Variants in CTIF observed in about 807,000 individuals in gnomAD.
CTIF encodes CBP80/20-dependent translation initiation factor.
A neutral mutation model predicts 66.0 loss-of-function variants in CTIF; 21 were observed. The ratio of observed to expected loss-of-function variants is 0.32; its 90% CI spans 0.23 to 0.46. The LOEUF is 0.46. Ranked by LOEUF, CTIF falls within the 20% of genes least tolerant of loss-of-function variation. The pLI is 1.00. For synonymous variants in CTIF, 345 were observed against 326.4 expected (o/e 1.06, Z -0.62); for missense variants, 739 against 812.7 (o/e 0.91, Z 1.10).
At chr18:48,807,256 C>G (rs1599083247) in intron 9 of CTIF, among the ~76,000 whole-genome samples, 1 of 152,186 alleles carries the variant, frequency 6.6e-6, no homozygotes, top group African/African-American at 2.4e-5. Flanking sequence ...AGAAGAATTC[C>G]ACTGTCCTAA....
At chr18:48,788,634 C>T (rs2067728845) in intron 9 of CTIF, among the ~76,000 whole-genome samples, 1 of 152,156 alleles carries the variant, frequency 6.6e-6, no homozygotes, top group African/African-American at 2.4e-5. Flanking sequence ...GCAGTGGGAA[C>T]AGCCAGAGGC....
chr18:48,672,219 C>T (rs2091547360), intron 6 of CTIF, among the ~76,000 whole-genome samples: 1 of 151,598 alleles, frequency 6.6e-6, no homozygotes, highest in South Asian at 2.1e-4. Flanking sequence ...AATGGGATGA[C>T]TTATCTGAGT....
intron 3 of CTIF, among the ~76,000 whole-genome samples, chr18:48,651,876 T>C (rs895501552): frequency 2.0e-5 from 3 of 152,044 alleles, no homozygotes; most frequent in African/African-American, 7.2e-5. Context: ...ACTGGGTAAA[T>C]AACAAAATGA....
chr18:48,611,610 T>A (rs1263891296), intron 1 of CTIF, among the ~76,000 whole-genome samples: 2 of 152,250 alleles, frequency 1.3e-5, no homozygotes, highest in African/African-American at 4.8e-5. Flanking sequence ...GGGAGCGTGT[T>A]AGGAATGCTG....
intron 7 of CTIF, among the ~76,000 whole-genome samples, chr18:48,722,020 T>C (rs550628815): frequency 6.6e-6 from 1 of 152,228 alleles, no homozygotes; most frequent in Non-Finnish European, 1.5e-5. Context: ...CTGAAAGACA[T>C]GTTGGAGGCT....
intron 10 of CTIF, among the ~76,000 whole-genome samples, chr18:48,830,748 G>A (rs184603948): frequency 1.9e-3 from 108 of 55,742 alleles, no homozygotes; most frequent in Non-Finnish European, 2.9e-3. Context: ...CCCCGACCAC[G>A]CCCCAGCCTG....
intron 6 of CTIF, among the ~76,000 whole-genome samples, chr18:48,701,874 G>T (rs1249912693): frequency 2.0e-5 from 3 of 152,162 alleles, no homozygotes; most frequent in Non-Finnish European, 4.4e-5. Context: ...GATATAATAA[G>T]ATCAGCCCCA....
At chr18:48,830,219 C>T (rs2068661269) in intron 10 of CTIF, among the ~76,000 whole-genome samples, 1 of 152,220 alleles carries the variant, frequency 6.6e-6, no homozygotes, top group Admixed American at 6.5e-5. Context: ...GGCTGGAGTG[C>T]AGTGATGTGA....
intron 10 of CTIF, among the ~76,000 whole-genome samples, chr18:48,845,598 T>G (rs1309857317): frequency 6.6e-6 from 1 of 152,178 alleles, no homozygotes; most frequent in Non-Finnish European, 1.5e-5. Flanking sequence ...CCATGTGTTC[T>G]CCAGGTCACC....
At chr18:48,659,622 A>C (rs533971259) in intron 3 of CTIF, among the ~76,000 whole-genome samples, 2 of 152,096 alleles carry the variant, frequency 1.3e-5, no homozygotes, top group South Asian at 4.1e-4. Context: ...ATCACGGGGG[A>C]GGGAATGAGG....
At chr18:48,569,531 A>T (rs1430552743) in intron 1 of CTIF, among the ~76,000 whole-genome samples, 3 of 152,226 alleles carry the variant, frequency 2.0e-5, no homozygotes, top group Non-Finnish European at 2.9e-5. Context: ...TTATAAAAAG[A>T]TTTCATAACA....
At chr18:48,687,135 G>C (rs1004080459) in intron 6 of CTIF, among the ~76,000 whole-genome samples, 1 of 152,086 alleles carries the variant, frequency 6.6e-6, no homozygotes, top group Non-Finnish European at 1.5e-5. Flanking sequence ...AGATGGTGTC[G>C]TGTGGGAGTC....
At chr18:48,618,829 C>T (rs151104908) in intron 1 of CTIF, among the ~76,000 whole-genome samples, 3 of 152,302 alleles carry the variant, frequency 2.0e-5, no homozygotes, top group African/African-American at 7.2e-5. Context: ...TAGTCATGCC[C>T]CTGTAAAGGT....
chr18:48,713,831 A>G (rs759038820), intron 7 of CTIF, among the ~76,000 whole-genome samples: 2 of 152,246 alleles, frequency 1.3e-5, no homozygotes, highest in Non-Finnish European at 2.9e-5. Context: ...AGACAGACTT[A>G]TGGAGCAAAC....
At chr18:48,730,048 C>A (rs1177209608) in intron 7 of CTIF, among the ~76,000 whole-genome samples, 1 of 152,196 alleles carries the variant, frequency 6.6e-6, no homozygotes, top group African/African-American at 2.4e-5. Context: ...GCTGTGCTGC[C>A]CAGCGCAGTC....
In CTIF at chr18:48,761,861, G is replaced by A. The variant is rs1168885987; in HGVS notation, c.1371+172G>A. Among the ~76,000 whole-genome samples, 5 of 152,212 alleles carry A rather than the reference G, an allele frequency of 3.3e-5. No homozygotes were observed. The highest frequency in any genetic ancestry group is 5.9e-5 in the Non-Finnish European group (4 of 68,040). ...GGCAGTTAAGGGGCCAGGAATGAGC[G>A]GCTGGATTTGTGTGTGTTTATGTGT... On this transcript the variant is annotated intron_variant, in intron 9 of 11. Coordinates refer to ENST00000256413, the MANE Select transcript of CTIF (RefSeq NM_014772.3). The surrounding 1 kb of genome is among the most constrained non-coding windows in gnomAD (Gnocchi z 4.2).
intron 3 of CTIF, among the ~76,000 whole-genome samples, chr18:48,641,655 G>A (rs576420986): frequency 6.6e-6 from 1 of 152,352 alleles, no homozygotes; most frequent in African/African-American, 2.4e-5. Flanking sequence ...TGTTGACCCA[G>A]GAGTGACACT....
At chr18:48,792,080 G>A (rs1195038413) in intron 9 of CTIF, among the ~76,000 whole-genome samples, 1 of 152,232 alleles carries the variant, frequency 6.6e-6, no homozygotes, top group Non-Finnish European at 1.5e-5. Flanking sequence ...CTGCAAATAA[G>A]TAAATTTCCA....
intron 6 of CTIF, among the ~76,000 whole-genome samples, chr18:48,687,761 C>A (rs2091865621): frequency 6.6e-6 from 1 of 152,192 alleles, no homozygotes. Context: ...CTGAAAGCAG[C>A]CTCTTCAAAT....
Sources: allele counts gnomAD v4.1 joint callset (sites outside exome capture counted in the v4.1 genomes callset), GRCh38; gene constraint gnomAD v4.1.1; non-coding constraint Gnocchi (gnomAD v3.1); transcripts MANE v1.5; gene names NCBI Gene and HGNC (gene_info 2026-07-23, HGNC 2026-07-21).